Variants in DLGAP2 observed in about 807,000 individuals in gnomAD.
DLGAP2 encodes the protein DLG associated protein 2, also known as disks large-associated protein 2.
DLGAP2 carries 26 observed loss-of-function variants against 100.3 expected under a neutral mutation model. That is an observed-to-expected ratio of 0.26 (90% CI 0.19 to 0.36). The LOEUF (loss-of-function observed/expected upper bound fraction) is 0.36. Ranked by LOEUF, DLGAP2 falls within the 10% of genes least tolerant of loss-of-function variation. The pLI, the probability that DLGAP2 is intolerant of heterozygous loss-of-function variation, is 1.00. For missense variants in DLGAP2, 1,858 were observed against 1,453.2 expected, an observed-to-expected ratio of 1.28 and a Z score of -4.53; for synonymous variants, 886 against 630.1, an observed-to-expected ratio of 1.41 and a Z score of -6.08.
intron 12 of DLGAP2, among the ~76,000 whole-genome samples, chr8:1,685,573 G>T (rs1441498446): frequency 6.6e-6 from 1 of 152,118 alleles, no homozygotes; most frequent in Admixed American, 6.6e-5. Context: ...CAACTAAATG[G>T]TCATGGGGAA....
chr8:976,481 A>C (rs1354216431), intron 2 of DLGAP2, among the ~76,000 whole-genome samples: 1 of 152,108 alleles, frequency 6.6e-6, no homozygotes, highest in East Asian at 1.9e-4. Context: ...GCGTGGTGGC[A>C]GGTGCCTGTA....
At chr8:1,275,562 A>G (rs1434988798) in intron 3 of DLGAP2, among the ~76,000 whole-genome samples, 1 of 151,300 alleles carries the variant, frequency 6.6e-6, no homozygotes, top group East Asian at 1.9e-4. Flanking sequence ...ATTTCTTTTC[A>G]TTCCCAGATC....
At chr8:1,310,837 T>G (rs1048494983) in intron 3 of DLGAP2, among the ~76,000 whole-genome samples, 1 of 152,070 alleles carries the variant, frequency 6.6e-6, no homozygotes. Flanking sequence ...TTTGTCAAAG[T>G]AACATTTTAG....
chr8:1,223,568 C>G (rs1798359192), intron 2 of DLGAP2, among the ~76,000 whole-genome samples: 1 of 152,206 alleles, frequency 6.6e-6, no homozygotes, highest in African/African-American at 2.4e-5. Context: ...GGTTGTTGAT[C>G]TTCACTTTCT....
intron 1 of DLGAP2, among the ~76,000 whole-genome samples, chr8:896,621 C>A (rs1455396431): frequency 1.3e-5 from 2 of 151,992 alleles, no homozygotes; most frequent in African/African-American, 4.8e-5. Flanking sequence ...GGTGGGGCCC[C>A]CATGTTGGTA....
intron 2 of DLGAP2, among the ~76,000 whole-genome samples, chr8:1,250,968 G>A (rs1799026412): frequency 6.6e-6 from 1 of 152,188 alleles, no homozygotes; most frequent in East Asian, 1.9e-4. Context: ...TCGGTACGTG[G>A]CACAGTGGTG....
chr8:1,538,284 A>T (rs186783354), intron 4 of DLGAP2, among the ~76,000 whole-genome samples: 1 of 152,318 alleles, frequency 6.6e-6, no homozygotes, highest in African/African-American at 2.4e-5. Context: ...TAGTGTGTTC[A>T]AAAGTTATTT....
chr8:1,411,073 C>T, intron 3 of DLGAP2, among the ~76,000 whole-genome samples: 1 of 152,158 alleles, frequency 6.6e-6, no homozygotes, highest in East Asian at 1.9e-4. Flanking sequence ...CCGTGGAAAG[C>T]TACCTGCATA....
intron 2 of DLGAP2, among the ~76,000 whole-genome samples, chr8:1,160,429 G>C (rs1247121607): frequency 1.3e-5 from 2 of 152,194 alleles, no homozygotes; most frequent in Non-Finnish European, 2.9e-5. Context: ...GAGTGTGCAC[G>C]TGTGCATAAT....
intron 2 of DLGAP2, among the ~76,000 whole-genome samples, chr8:1,141,840 A>G (rs1476145405): frequency 6.6e-6 from 1 of 152,188 alleles, no homozygotes; most frequent in Non-Finnish European, 1.5e-5. Context: ...CTTGATGCTT[A>G]TGTTTAGATT....
intron 8 of DLGAP2, among the ~76,000 whole-genome samples, chr8:1,633,441 G>A (rs908463361): frequency 3.3e-5 from 5 of 152,080 alleles, no homozygotes; most frequent in East Asian, 1.9e-4. Context: ...ACGTCCAGCC[G>A]GTCTCTTGCT....
In DLGAP2 at chr8:1,705,022, C is replaced by T. The variant is rs1468163906; in HGVS notation, c.*3616C>T. 1 of 152,230 alleles carries T rather than the reference C, an allele frequency of 6.6e-6. No homozygotes were observed. The highest frequency in any genetic ancestry group is 1.9e-4 in the East Asian group (1 of 5,192). 9.4% of individuals were successfully genotyped at this position (152,230 alleles called of 1,614,324 possible). On this transcript the variant is annotated 3_prime_UTR_variant, in exon 15 of 15. Coordinates refer to ENST00000637795, the MANE Select transcript of DLGAP2 (RefSeq NM_001346810.2). ...CCTGCATCCGTAAATTCGCGCATCT[C>T]TGTTTTTGTTAGATCCTTGTAAGCA...
intron 8 of DLGAP2, among the ~76,000 whole-genome samples, chr8:1,653,962 T>C (rs1563282865): frequency 6.6e-6 from 1 of 152,204 alleles, no homozygotes; most frequent in Admixed American, 6.5e-5. Flanking sequence ...GTCACTTCCT[T>C]ATCCTTAGAA....
At chr8:748,900 T>A (rs568068515) in intron 1 of DLGAP2, among the ~76,000 whole-genome samples, 1 of 152,372 alleles carries the variant, frequency 6.6e-6, no homozygotes, top group Admixed American at 6.5e-5. Flanking sequence ...TTTATTATAT[T>A]TGTTACATCT....
chr8:1,609,116 A>G (rs1300968153), intron 6 of DLGAP2, among the ~76,000 whole-genome samples: 1 of 129,444 alleles, frequency 7.7e-6, no homozygotes, highest in Non-Finnish European at 1.7e-5. Flanking sequence ...AAATGAAGGA[A>G]AAAATGTTAA....
At chr8:997,934 GCATA>G (rs1390612996) in intron 2 of DLGAP2, among the ~76,000 whole-genome samples, 2 of 151,490 alleles carry the variant, frequency 1.3e-5, no homozygotes, top group Non-Finnish European at 2.9e-5. Context: ...ACACACCCAT[GCATA>G]CAGACAAACA....
At chr8:1,600,898 G>A (rs562020004) in intron 6 of DLGAP2, among the ~76,000 whole-genome samples, 17 of 152,204 alleles carry the variant, frequency 1.1e-4, no homozygotes, top group South Asian at 8.3e-4. Flanking sequence ...TTCTCTGTCC[G>A]GTTCTGTTCC....
intron 2 of DLGAP2, among the ~76,000 whole-genome samples, chr8:1,164,673 C>T (rs1351002078): frequency 6.6e-6 from 1 of 152,180 alleles, no homozygotes; most frequent in African/African-American, 2.4e-5. Flanking sequence ...TGAAATTGAG[C>T]TGCATTCTCT....
intron 3 of DLGAP2, among the ~76,000 whole-genome samples, chr8:1,392,527 G>T (rs999523566): frequency 1.3e-5 from 2 of 152,336 alleles, no homozygotes; most frequent in Middle Eastern, 3.4e-3. Flanking sequence ...GTGTGAGAAT[G>T]CAACTAAGTG....
Sources: allele counts gnomAD v4.1 joint callset (sites outside exome capture counted in the v4.1 genomes callset), GRCh38; gene constraint gnomAD v4.1.1; transcripts MANE v1.5; gene names NCBI Gene and HGNC (gene_info 2026-07-23, HGNC 2026-07-21).